NHSL2: variants seen among roughly 807,000 people sequenced by gnomAD.
NHSL2 encodes the protein NHS-like protein 2.
In NHSL2, 27 loss-of-function variants were observed where a neutral mutation model predicts 53.4. That is an observed-to-expected ratio of 0.51 (90% CI 0.37 to 0.70). NHSL2 has a LOEUF of 0.70. NHSL2 is among the 30% of genes least tolerant of loss of function. The pLI is 0.00. For missense variants in NHSL2, 892 were observed against 980.1 expected, an observed-to-expected ratio of 0.91 and a Z score of 1.20; for synonymous variants, 408 against 404.1, an observed-to-expected ratio of 1.01 and a Z score of -0.12.
Position 71,989,241 on chromosome X carries a change from CG to C in NHSL2, c.280+77877del, listed in dbSNP as rs773040575. ...GCACGCGCCTATAGTGCCAGCTACT[CG>C]GGAGGCTGAGGCAGGAGAATGGCGT... On this transcript the variant is annotated intron_variant, in intron 1 of 7. Transcript: ENST00000633930. Among the ~76,000 whole-genome samples the C allele has an allele frequency of 4.7e-3, 489 of 103,778 alleles. 3 individuals carry two copies. The highest frequency in any genetic ancestry group is 0.016 in the African/African-American group (461 of 28,087). The allele number at this position is 103,778 out of a possible 115,157, so 90.1% of individuals were successfully genotyped here. A position where few individuals can be genotyped will look rare whatever the true frequency, so the allele number is the denominator to read the frequency against.
At chrX:72,109,920 C>T (rs2042077480) in intron 1 of NHSL2, among the ~76,000 whole-genome samples, 1 of 111,919 alleles carries the variant, frequency 8.9e-6, no homozygotes, top group African/African-American at 3.3e-5. Context: ...CCTTTTCATT[C>T]TTATTTATTA....
At chrX:72,063,075 G>C (rs1385278850) in intron 1 of NHSL2, among the ~76,000 whole-genome samples, 1 of 112,278 alleles carries the variant, frequency 8.9e-6, no homozygotes, top group Non-Finnish European at 1.9e-5. Context: ...CCTCTGGGGT[G>C]TATGCTTATT....
chrX:71,938,322 C>T (rs2041749125), intron 1 of NHSL2, among the ~76,000 whole-genome samples: 2 of 112,244 alleles, frequency 1.8e-5, no homozygotes, highest in African/African-American at 6.5e-5. Context: ...CCAGAGCCCC[C>T]TTCCCCTTGG....
chrX:72,058,964 C>T (rs1233820568), intron 1 of NHSL2, among the ~76,000 whole-genome samples: 1 of 111,879 alleles, frequency 8.9e-6, no homozygotes, highest in African/African-American at 3.3e-5. Flanking sequence ...CCATTCTCCC[C>T]ACTCAGACTG....
At chrX:72,097,452 T>G (rs936083705) in intron 1 of NHSL2, among the ~76,000 whole-genome samples, 12 of 112,101 alleles carry the variant, frequency 1.1e-4, no homozygotes, top group African/African-American at 3.9e-4. Context: ...GGGGAAGGTC[T>G]CTCTGTGATA....
rs2042398438 is a variant in NHSL2 at position 72,139,917 on chromosome X, T to C, written c.2369T>C (p.Ile790Thr). The C allele has an allele frequency of 8.3e-7, 1 of 1,208,918 alleles. No individual in the cohort carries two copies. The highest frequency in any genetic ancestry group is 1.8e-5 in the African/African-American group (1 of 56,930). Residue 790 changes from isoleucine to threonine, a missense_variant, in exon 6 of 8, where the codon ATC (isoleucine) becomes ACC (threonine). By Grantham distance (89) the Ile-to-Thr change is moderately conservative. Coordinates refer to ENST00000633930, the MANE Select transcript of NHSL2 (RefSeq NM_001013627.3). ...GATCTGTCTGGGATGAGTATCTCCA[T>C]CCGAAGCAAAACTAAGGTGAGTCGG... Reference protein sequence around the residue: ...NLDLSGMSISIRSKTKVSRHH... With the variant: ...NLDLSGMSISTRSKTKVSRHH...
intron 1 of NHSL2, among the ~76,000 whole-genome samples, chrX:72,071,061 C>T (rs779520666): frequency 9.0e-4 from 100 of 111,109 alleles, no homozygotes; most frequent in Non-Finnish European, 9.8e-4. Flanking sequence ...TCTTACAGGG[C>T]GTGGTGGGGA....
At chrX:72,091,375 A>G (rs1290940990) in intron 1 of NHSL2, among the ~76,000 whole-genome samples, 1 of 110,253 alleles carries the variant, frequency 9.1e-6, no homozygotes, top group Admixed American at 9.6e-5. Flanking sequence ...AATGGCGTGA[A>G]CCCGGGAGGC....
chrX:71,958,459 T>C (rs2041853064), intron 1 of NHSL2, among the ~76,000 whole-genome samples: 3 of 111,673 alleles, frequency 2.7e-5, no homozygotes, highest in Admixed American at 9.5e-5. Context: ...CAGGGAACAA[T>C]AGTTTCTGGC....
intron 1 of NHSL2, among the ~76,000 whole-genome samples, chrX:72,046,590 A>T (rs901430260): frequency 9.8e-5 from 11 of 111,960 alleles, no homozygotes; most frequent in African/African-American, 3.3e-4. Flanking sequence ...AAGGCTTATT[A>T]AAGTTGAGAG....
intron 1 of NHSL2, chrX:72,131,516 TGA>T (rs1312555748): frequency 1.7e-6 from 2 of 1,191,324 alleles, no homozygotes; most frequent in South Asian, 3.8e-5. Flanking sequence ...CGGAGGCTGT[TGA>T]GATTTCCTGA....
intron 1 of NHSL2, among the ~76,000 whole-genome samples, chrX:72,074,649 A>G (rs2041726204): frequency 8.9e-6 from 1 of 112,787 alleles, no homozygotes; most frequent in Non-Finnish European, 1.9e-5. Flanking sequence ...GTCAAATACA[A>G]GGGGAATGGC....
At chrX:72,079,192 A>G (rs1484770203) in intron 1 of NHSL2, among the ~76,000 whole-genome samples, 1 of 112,787 alleles carries the variant, frequency 8.9e-6, no homozygotes, top group Admixed American at 9.3e-5. Context: ...AGCTTCTCCC[A>G]CATGCGATTT....
intron 1 of NHSL2, among the ~76,000 whole-genome samples, chrX:71,973,052 T>G (rs2147860494): frequency 8.9e-6 from 1 of 112,182 alleles, no homozygotes; most frequent in South Asian, 3.7e-4. Context: ...AGGATGAGTG[T>G]GATTTAATTT....
chrX:71,965,069 C>G (rs780472143), intron 1 of NHSL2, among the ~76,000 whole-genome samples: 1 of 111,554 alleles, frequency 9.0e-6, no homozygotes, highest in African/African-American at 3.3e-5. Flanking sequence ...TTCTATGAAC[C>G]TAAAACTGCT....
chrX:72,031,487 T>C (rs1455548703), intron 1 of NHSL2, among the ~76,000 whole-genome samples: 1 of 112,532 alleles, frequency 8.9e-6, no homozygotes, highest in Non-Finnish European at 1.9e-5. Context: ...ATTATTAGCT[T>C]TAATTAGGAA....
At chrX:72,071,202 C>T (rs2041699795) in intron 1 of NHSL2, among the ~76,000 whole-genome samples, 1 of 111,511 alleles carries the variant, frequency 9.0e-6, no homozygotes, top group African/African-American at 3.3e-5. Flanking sequence ...GTGGACTGAG[C>T]CAAAGAATAA....
intron 1 of NHSL2, among the ~76,000 whole-genome samples, chrX:72,067,448 G>T (rs2042437615): frequency 9.0e-6 from 1 of 111,321 alleles, no homozygotes; most frequent in South Asian, 3.8e-4. Context: ...AAGTTGTCAT[G>T]GTCCTGTCTT....
chrX:72,152,423 G>GTTAGC lies in NHSL2; in HGVS notation c.*8850_*8851insTAGCT, dbSNP rs2042523583. On this transcript the variant is annotated 3_prime_UTR_variant, in exon 8 of 8. Transcript: ENST00000633930. ...CACCCTCATCAGTTCTCTGGTTTAG[G>GTTAGC]TCCAGATCTGATGGGACTGGTCAAG... is the stretch of plus-strand genomic sequence containing the variant. The GTTAGC allele has an allele frequency of 9.0e-6, 1 of 111,079 alleles. No homozygotes were observed. Among genetic ancestry groups the GTTAGC allele is most frequent in the African/African-American group, 3.3e-5 (1 of 30,395 alleles). 9.2% of individuals were successfully genotyped at this position (111,079 alleles called of 1,213,427 possible).
Sources: gnomAD v4.1 joint callset for allele counts (sites outside exome capture counted in the v4.1 genomes callset) on GRCh38, gnomAD v4.1.1 for gene constraint, MANE v1.5 for transcripts, NCBI Gene and HGNC (gene_info 2026-07-23, HGNC 2026-07-21) for gene names.